The following XPR1 variants were observed in gnomAD, a reference collection of about 807,000 sequenced individuals.
XPR1 encodes the protein solute carrier family 53 member 1.
In XPR1, 28 loss-of-function variants were observed where a neutral mutation model predicts 87.5. The observed-to-expected ratio is 0.32, with a 90% CI of 0.24 to 0.44. XPR1 has a LOEUF of 0.44. Among genes scored for constraint, XPR1 ranks in the 20% least tolerant of loss-of-function variants. The pLI is 1.00. For synonymous variants in XPR1, 300 were observed against 306.1 expected, an observed-to-expected ratio of 0.98 and a Z score of 0.21; for missense variants, 559 against 862.3, an observed-to-expected ratio of 0.65 and a Z score of 4.41.
chr1:180,824,730 C>G (rs1431746801), intron 7 of XPR1, 23 bp from the exon 8 acceptor site: 2 of 1,574,276 alleles, frequency 1.3e-6, no homozygotes, highest in Non-Finnish European at 8.6e-7. Context: ...TTATAACTGA[C>G]CAATATCTTA....
intron 1 of XPR1, among the ~76,000 whole-genome samples, chr1:180,639,737 T>G (rs144339394): frequency 2.0e-5 from 3 of 152,284 alleles, no homozygotes; most frequent in African/African-American, 7.2e-5. Flanking sequence ...CACTTGAAAC[T>G]CTTAACAGTT....
intron 1 of XPR1, among the ~76,000 whole-genome samples, chr1:180,651,145 G>A (rs138148478): frequency 1.4e-3 from 211 of 148,472 alleles, no homozygotes; most frequent in African/African-American, 4.5e-3. Flanking sequence ...TGCTTTTGCC[G>A]CCCAGGCTGG....
chr1:180,672,864 A>T (rs187046143), intron 1 of XPR1, among the ~76,000 whole-genome samples: 154 of 152,280 alleles, frequency 1.0e-3, no homozygotes, highest in Non-Finnish European at 1.8e-3. Flanking sequence ...TTGTAATTTT[A>T]TTCAGTTGTG....
At chr1:180,764,141 G>A (rs1648175643) in intron 2 of XPR1, among the ~76,000 whole-genome samples, 1 of 152,188 alleles carries the variant, frequency 6.6e-6, no homozygotes, top group Non-Finnish European at 1.5e-5. Context: ...AACAACCACA[G>A]ATCATTTACA....
At chr1:180,779,223 C>A (rs949997067) in intron 2 of XPR1, among the ~76,000 whole-genome samples, 14 of 152,106 alleles carry the variant, frequency 9.2e-5, no homozygotes, top group African/African-American at 2.9e-4. Flanking sequence ...TATCTCATCA[C>A]CCTATTTGTT....
chr1:180,742,303 G>A (rs565664931), intron 2 of XPR1, among the ~76,000 whole-genome samples: 9 of 151,998 alleles, frequency 5.9e-5, no homozygotes, highest in African/African-American at 2.2e-4. Context: ...CACTGTTTTA[G>A]CAGTATCCCT....
intron 2 of XPR1, among the ~76,000 whole-genome samples, chr1:180,698,557 T>C (rs1657245736): frequency 1.3e-5 from 2 of 152,196 alleles, no homozygotes; most frequent in Non-Finnish European, 2.9e-5. Context: ...GTGACAACAT[T>C]TGTCTCCATT....
chr1:180,695,187 A>G (rs1657121378), intron 2 of XPR1, among the ~76,000 whole-genome samples: 2 of 152,188 alleles, frequency 1.3e-5, no homozygotes, highest in East Asian at 1.9e-4. Flanking sequence ...GGCCATTTGT[A>G]TGTCTTCTTC....
intron 2 of XPR1, among the ~76,000 whole-genome samples, chr1:180,711,090 C>T (rs550921654): frequency 2.7e-5 from 4 of 149,770 alleles, no homozygotes; most frequent in East Asian, 4.0e-4. Flanking sequence ...ACCTCCCAGA[C>T]GGGGTTGTGG....
chr1:180,652,071 C>T (rs1183014911), intron 1 of XPR1, among the ~76,000 whole-genome samples: 1 of 152,122 alleles, frequency 6.6e-6, no homozygotes, highest in African/African-American at 2.4e-5. Flanking sequence ...GCGCGCGGAT[C>T]ACATGAGGTC....
chr1:180,719,881 A>G (rs940146686), intron 2 of XPR1, among the ~76,000 whole-genome samples: 10 of 152,220 alleles, frequency 6.6e-5, no homozygotes. Flanking sequence ...TTTTGAGCAA[A>G]TAAAACACTG....
intron 7 of XPR1, among the ~76,000 whole-genome samples, chr1:180,813,626 A>C (rs1263829331): frequency 1.3e-5 from 2 of 152,192 alleles, no homozygotes; most frequent in African/African-American, 4.8e-5. Flanking sequence ...GAGAAGGAGA[A>C]AGATGAAATT....
rs1271317966 is a variant in XPR1 at position 180,780,700 on chromosome 1, G to A, written c.122-7053G>A. 1.0e-4 allele frequency among the ~76,000 whole-genome samples: 15 copies of A among 149,134 alleles called. 1 individual carries two copies. In the East Asian group the frequency reaches 1.7e-3, roughly 17 times the overall value. ...GGAGAATGGCGTGAACCTGGGAGGCGGAGCTTGCAGTGAGCAGAGATCGTG... is the reference window on the plus strand; with the variant it reads ...GGAGAATGGCGTGAACCTGGGAGGCAGAGCTTGCAGTGAGCAGAGATCGTG... On this transcript the variant is annotated intron_variant, in intron 2 of 14. Transcript: ENST00000367590.
In XPR1 at chr1:180,880,224, C is replaced by T; in HGVS notation, c.1957C>T (p.Arg653Ter). Residue 653 changes from arginine to a stop codon, truncating the protein, a stop_gained, in exon 14 of 15, where the codon CGA becomes TGA. Transcript: ENST00000367590. LOFTEE classifies it high-confidence loss of function. The part of the protein sequence containing the change: ...EQMMDQDDGV[R>*]NRQKNRSWKY... ...GATGATGGACCAGGATGATGGGGTA[C>T]GAAACCGCCAGAAGAATCGGTCATG... 6.2e-7 allele frequency: 1 copy of T among 1,614,116 alleles called. No individual in the cohort carries two copies. Among genetic ancestry groups the T allele is most frequent in the South Asian group, 1.1e-5 (1 of 91,082 alleles).
chr1:180,654,010 C>T (rs899972558), intron 1 of XPR1, among the ~76,000 whole-genome samples: 12 of 152,154 alleles, frequency 7.9e-5, no homozygotes, highest in African/African-American at 2.9e-4. Flanking sequence ...GGGGGTACTA[C>T]TGTACTTTAA....
In XPR1 at chr1:180,632,127, G is replaced by A. The variant is rs1041085988; in HGVS notation, c.-75G>A. 18 of 1,531,274 alleles carry A rather than the reference G, an allele frequency of 1.2e-5. No homozygotes were observed. In the East Asian group the frequency reaches 3.9e-4, roughly 33 times the overall value. 94.9% of individuals were successfully genotyped at this position (1,531,274 alleles called of 1,614,324 possible). On this transcript the variant is annotated 5_prime_UTR_variant, in exon 1 of 15. Coordinates refer to ENST00000367590, the MANE Select transcript of XPR1 (RefSeq NM_004736.4). ...CGCGCCGCGCCGGGGCCCATGTGGGGAGGAGTCGGAGTCGCTGTTGCCGCC... is the reference window on the plus strand; with the variant it reads ...CGCGCCGCGCCGGGGCCCATGTGGGAAGGAGTCGGAGTCGCTGTTGCCGCC...
chr1:180,796,126 G>A (rs1649566269), intron 3 of XPR1, among the ~76,000 whole-genome samples: 1 of 152,022 alleles, frequency 6.6e-6, no homozygotes, highest in Admixed American at 6.6e-5. Flanking sequence ...ATTTTTGTAA[G>A]TGTATTTGTA....
intron 1 of XPR1, among the ~76,000 whole-genome samples, chr1:180,665,529 G>T (rs1267012955): frequency 1.3e-5 from 2 of 152,174 alleles, no homozygotes; most frequent in African/African-American, 4.8e-5. Context: ...GGAAAGGCTT[G>T]CTGAAACTCA....
chr1:180,681,728 C>G (rs1656584019), intron 1 of XPR1, among the ~76,000 whole-genome samples: 1 of 152,118 alleles, frequency 6.6e-6, no homozygotes, highest in South Asian at 2.1e-4. Context: ...GGTGTGGTAG[C>G]ACAGTCTTGG....
Sources: allele counts gnomAD v4.1 joint callset (sites outside exome capture counted in the v4.1 genomes callset), GRCh38; gene constraint gnomAD v4.1.1; transcripts MANE v1.5; gene names NCBI Gene and HGNC (gene_info 2026-07-23, HGNC 2026-07-21).